The following GADL1 variants were observed in gnomAD, a reference collection of about 807,000 sequenced individuals.
GADL1 encodes acidic amino acid decarboxylase GADL1.
GADL1 carries 71 observed loss-of-function variants against 69.5 expected under a neutral mutation model. The observed-to-expected ratio is 1.02, with a 90% CI of 0.84 to 1.25. GADL1 has a LOEUF of 1.25. Among genes scored for constraint, GADL1 ranks in the 50% most tolerant of loss-of-function variants. The pLI is 0.00. For synonymous variants in GADL1, 254 were observed against 214.4 expected (o/e 1.18, Z -1.62); for missense variants, 737 against 631.8 (o/e 1.17, Z -1.79).
intron 14 of GADL1, among the ~76,000 whole-genome samples, chr3:30,731,779 T>C (rs1433452116): frequency 2.0e-5 from 3 of 152,204 alleles, no homozygotes; most frequent in African/African-American, 4.8e-5. Context: ...AACTATAAGA[T>C]TAATTCCTAC....
chr3:30,758,928 C>T (rs1401496949), intron 14 of GADL1, among the ~76,000 whole-genome samples: 2 of 152,098 alleles, frequency 1.3e-5, no homozygotes, highest in African/African-American at 2.4e-5. Context: ...TTCTAAAGTC[C>T]CTTCCTATAT....
At chr3:30,788,637 A>G (rs980167341) in intron 12 of GADL1, among the ~76,000 whole-genome samples, 2 of 152,232 alleles carry the variant, frequency 1.3e-5, no homozygotes, top group Non-Finnish European at 2.9e-5. Context: ...GTTTGAAAGC[A>G]TCTTACCCAC....
intron 2 of GADL1, among the ~76,000 whole-genome samples, chr3:30,859,916 G>A (rs148494015): frequency 9.9e-4 from 150 of 151,954 alleles, no homozygotes; most frequent in Non-Finnish European, 1.0e-3. Context: ...TTCCTTAATT[G>A]ACAACTTAGG....
intron 14 of GADL1, among the ~76,000 whole-genome samples, chr3:30,762,739 C>T (rs1696168864): frequency 6.6e-6 from 1 of 152,052 alleles, no homozygotes; most frequent in Admixed American, 6.5e-5. Flanking sequence ...CCATGCCCAC[C>T]TCCCAGACCC....
At chr3:30,825,941 G>T (rs969336529) in intron 11 of GADL1, among the ~76,000 whole-genome samples, 1 of 151,790 alleles carries the variant, frequency 6.6e-6, no homozygotes, top group Non-Finnish European at 1.5e-5. Context: ...AAAATAGAAG[G>T]CCTTGTTGCC....
intron 11 of GADL1, among the ~76,000 whole-genome samples, chr3:30,820,764 C>T (rs999708675): frequency 2.0e-5 from 3 of 151,594 alleles, no homozygotes; most frequent in East Asian, 1.9e-4. Flanking sequence ...GTCAGTGTGG[C>T]GATTCCTCAG....
chr3:30,860,091 G>A (rs772025701), intron 2 of GADL1, among the ~76,000 whole-genome samples: 5 of 151,428 alleles, frequency 3.3e-5, no homozygotes, highest in African/African-American at 7.3e-5. Flanking sequence ...GTACCCTAAC[G>A]CCAAACTTTC....
chr3:30,800,024 C>T (rs2125506419), intron 12 of GADL1: 1 of 152,532 alleles, frequency 6.6e-6, no homozygotes, highest in South Asian at 2.1e-4. Context: ...TTCCTGTCTT[C>T]TTCTGAGCCC....
Position 30,736,621 on chromosome 3 carries a change from G to A in GADL1, c.1393-8206C>T, listed in dbSNP as rs78798077. On this transcript the variant is annotated intron_variant, in intron 14 of 14. Coordinates refer to ENST00000282538, the MANE Select transcript of GADL1 (RefSeq NM_207359.3). Reference sequence around the variant, plus strand: ...ACATGAAATAATTTATTTTCTCCCCGAAGTGTCTAAACTGGATTTAAATAT... The same window carrying A: ...ACATGAAATAATTTATTTTCTCCCCAAAGTGTCTAAACTGGATTTAAATAT... 5.1e-4 allele frequency among the ~76,000 whole-genome samples: 78 copies of A among 152,150 alleles called. 1 individual carries two copies. The East Asian group carries it at 9.5e-3, about 18-fold the overall frequency.
At chr3:30,889,704 G>C (rs1490175374) in intron 1 of GADL1, among the ~76,000 whole-genome samples, 1 of 152,082 alleles carries the variant, frequency 6.6e-6, no homozygotes, top group Non-Finnish European at 1.5e-5. Flanking sequence ...ATGCTGAGAG[G>C]TTGGAAACTA....
At chr3:30,784,262 T>G (rs1460186997) in intron 13 of GADL1, among the ~76,000 whole-genome samples, 2 of 152,210 alleles carry the variant, frequency 1.3e-5, no homozygotes, top group Non-Finnish European at 2.9e-5. Flanking sequence ...TACAGTTGGC[T>G]TGTTCAAACT....
At chr3:30,784,377 C>CT (rs1248236717) in intron 13 of GADL1, among the ~76,000 whole-genome samples, 8 of 145,888 alleles carry the variant, frequency 5.5e-5, no homozygotes, top group Non-Finnish European at 8.8e-5. Context: ...CATCACCGGC[C>CT]TGTTGAAAGA....
chr3:30,867,459 T>TACAC (rs1559365265), intron 1 of GADL1, among the ~76,000 whole-genome samples: 1 of 147,468 alleles, frequency 6.8e-6, no homozygotes. Flanking sequence ...TGTATATATA[T>TACAC]ACATATATAT....
intron 1 of GADL1, among the ~76,000 whole-genome samples, chr3:30,892,238 G>C (rs1698796310): frequency 6.6e-6 from 1 of 152,188 alleles, no homozygotes; most frequent in Non-Finnish European, 1.5e-5. Flanking sequence ...ATCTGCAACA[G>C]GATTCCCTAT....
intron 14 of GADL1, among the ~76,000 whole-genome samples, chr3:30,750,721 ATATACGTATATGTAATTTGT>A (rs1695796373): frequency 6.6e-6 from 1 of 152,116 alleles, no homozygotes; most frequent in Non-Finnish European, 1.5e-5. Context: ...TAAAATATAC[ATATACGTATATGTAATTTGT>A]CCTGCGGCTT....
At position 30,844,210 on chromosome 3, in the gene GADL1, C is replaced by T; in HGVS notation, c.786G>A (p.Glu262=). ...TCCCTCTCGCTTTCTCCCCTCTCAC[C>T]TCTTTTCTGGCTTGCCAGACTTGCT... ...LEKQVWQARK[E]GAAPFLVCAT... The change falls in exon 8 of 15, where the codon GAG becomes GAA. Residue 262 remains glutamate (E), a splice_region_variant and synonymous_variant. Coordinates refer to ENST00000282538, the MANE Select transcript of GADL1 (RefSeq NM_207359.3). 1 of 1,612,214 alleles carries T rather than the reference C, an allele frequency of 6.2e-7. No individual in the cohort carries two copies. The highest frequency in any genetic ancestry group is 8.5e-7 in the Non-Finnish European group (1 of 1,178,994).
intron 1 of GADL1, among the ~76,000 whole-genome samples, chr3:30,864,598 A>C (rs1370232836): frequency 1.3e-5 from 2 of 151,940 alleles, no homozygotes; most frequent in African/African-American, 4.8e-5. Context: ...TTATAGCCAG[A>C]TGTGATAATG....
chr3:30,784,234 G>T (rs928411469), intron 13 of GADL1, among the ~76,000 whole-genome samples: 1 of 152,064 alleles, frequency 6.6e-6, no homozygotes, highest in Non-Finnish European at 1.5e-5. Flanking sequence ...CTCCCCAACT[G>T]TTACAAGAAT....
At chr3:30,857,473 G>T (rs998735617) in intron 2 of GADL1, among the ~76,000 whole-genome samples, 1 of 151,904 alleles carries the variant, frequency 6.6e-6, no homozygotes, top group African/African-American at 2.4e-5. Context: ...AATTAAAAAA[G>T]ATAAAAAATT....
Sources: gnomAD v4.1 joint callset for allele counts (sites outside exome capture counted in the v4.1 genomes callset) on GRCh38, gnomAD v4.1.1 for gene constraint, MANE v1.5 for transcripts, NCBI Gene and HGNC (gene_info 2026-07-23, HGNC 2026-07-21) for gene names.